The following NRG3 variants were observed in gnomAD, a reference collection of about 807,000 sequenced individuals.
The protein encoded by NRG3 is pro-neuregulin-3, membrane-bound isoform.
NRG3 carries 31 observed loss-of-function variants against 66.9 expected under a neutral mutation model. The ratio of observed to expected loss-of-function variants is 0.46; its 90% confidence interval spans 0.35 to 0.63. The LOEUF is 0.63. Among genes scored for constraint, NRG3 ranks in the 20% least tolerant of loss-of-function variants. The pLI is 0.00. For synonymous variants in NRG3, 393 were observed against 359.4 expected (o/e 1.09, Z -1.06); for missense variants, 910 against 878.9 (o/e 1.04, Z -0.45).
chr10:82,730,879 G>C (rs1479334913), intron 2 of NRG3, among the ~76,000 whole-genome samples: 1 of 152,128 alleles, frequency 6.6e-6, no homozygotes, highest in Non-Finnish European at 1.5e-5. Context: ...TCCTTAGCTA[G>C]AAACGTTTTT....
intron 2 of NRG3, among the ~76,000 whole-genome samples, chr10:82,415,376 G>A (rs73306166): frequency 0.041 from 6,239 of 152,152 alleles, 195 homozygotes; most frequent in African/African-American, 0.096. Flanking sequence ...GCAGCATTAC[G>A]ATGTAAGTGC....
At chr10:82,160,372 G>T (rs996816994) in intron 1 of NRG3, among the ~76,000 whole-genome samples, 9 of 151,898 alleles carry the variant, frequency 5.9e-5, no homozygotes, top group African/African-American at 1.9e-4. Flanking sequence ...ACAGCAAACA[G>T]ATTTTAAATT....
chr10:82,061,894 C>A (rs1159405052), intron 1 of NRG3, among the ~76,000 whole-genome samples: 4 of 151,742 alleles, frequency 2.6e-5, no homozygotes, highest in African/African-American at 7.3e-5. Flanking sequence ...CACACACATA[C>A]ATCTCTTAAA....
intron 4 of NRG3, among the ~76,000 whole-genome samples, chr10:82,874,596 G>C (rs926011449): frequency 6.6e-6 from 1 of 152,240 alleles, no homozygotes; most frequent in East Asian, 1.9e-4. Context: ...GTTAAACTAC[G>C]TGAGAAATCA....
At chr10:82,699,387 C>T (rs2055666245) in intron 2 of NRG3, among the ~76,000 whole-genome samples, 1 of 151,986 alleles carries the variant, frequency 6.6e-6, no homozygotes, top group Admixed American at 6.6e-5. Context: ...CTAGTTATAA[C>T]ACCTGAGGAT....
chr10:82,721,548 G>C (rs541861579), intron 2 of NRG3, among the ~76,000 whole-genome samples: 2 of 151,964 alleles, frequency 1.3e-5, no homozygotes, highest in Non-Finnish European at 2.9e-5. Context: ...TCAGCCTTTC[G>C]AGTAGCTAGG....
intron 3 of NRG3, among the ~76,000 whole-genome samples, chr10:82,774,817 T>TTTTC (rs1449178629): frequency 7.0e-6 from 1 of 143,120 alleles, no homozygotes; most frequent in Non-Finnish European, 1.5e-5. Flanking sequence ...CCTTTTTCTT[T>TTTTC]TTTCTTTTTT....
chr10:81,888,770 G>C (rs1334689393), intron 1 of NRG3, among the ~76,000 whole-genome samples: 3 of 152,170 alleles, frequency 2.0e-5, no homozygotes, highest in Non-Finnish European at 4.4e-5. Context: ...GACACAGCTT[G>C]ATTCTATGTT....
At chr10:82,155,884 A>G (rs952264674) in intron 1 of NRG3, among the ~76,000 whole-genome samples, 1 of 151,824 alleles carries the variant, frequency 6.6e-6, no homozygotes, top group Non-Finnish European at 1.5e-5. Flanking sequence ...CAAAGGTAGC[A>G]GAATCCTCTA....
intron 1 of NRG3, among the ~76,000 whole-genome samples, chr10:82,242,135 A>T (rs1164486825): frequency 6.6e-6 from 1 of 152,190 alleles, no homozygotes; most frequent in African/African-American, 2.4e-5. Flanking sequence ...CTTTCCTAAC[A>T]GTGGGATATG....
chr10:82,139,972 T>C (rs1381006064), intron 1 of NRG3, among the ~76,000 whole-genome samples: 3 of 152,164 alleles, frequency 2.0e-5, no homozygotes, highest in Admixed American at 1.3e-4. Context: ...TTTTGTGTTT[T>C]AATAAGGTTT....
intron 1 of NRG3, among the ~76,000 whole-genome samples, chr10:82,179,628 A>T (rs560754394): frequency 6.6e-6 from 1 of 151,822 alleles, no homozygotes; most frequent in East Asian, 1.9e-4. Context: ...CCAGTACCAT[A>T]TTTTTTTATT....
chr10:82,928,891 T>C (rs1265806715), intron 4 of NRG3, among the ~76,000 whole-genome samples: 4 of 152,176 alleles, frequency 2.6e-5, no homozygotes, highest in African/African-American at 9.6e-5. Flanking sequence ...CTGTGTTCCT[T>C]TGTTGCCTAT....
At chr10:81,908,231 A>T (rs532480571) in intron 1 of NRG3, among the ~76,000 whole-genome samples, 1 of 152,152 alleles carries the variant, frequency 6.6e-6, no homozygotes, top group South Asian at 2.1e-4. Context: ...ATTAGAAAAC[A>T]TCTTTCTTAA....
At chr10:82,136,897 A>G (rs2069403418) in intron 1 of NRG3, among the ~76,000 whole-genome samples, 2 of 152,198 alleles carry the variant, frequency 1.3e-5, no homozygotes, top group Non-Finnish European at 2.9e-5. Flanking sequence ...TTTCAAACAC[A>G]TAGATTCTTC....
At chr10:82,681,511 A>G (rs1259313767) in intron 2 of NRG3, among the ~76,000 whole-genome samples, 6 of 152,236 alleles carry the variant, frequency 3.9e-5, no homozygotes, top group Non-Finnish European at 8.8e-5. Flanking sequence ...AAAGCTGGTG[A>G]AATCTTCAGC....
At chr10:82,066,547 T>C (rs769012171) in intron 1 of NRG3, among the ~76,000 whole-genome samples, 1 of 152,194 alleles carries the variant, frequency 6.6e-6, no homozygotes. Flanking sequence ...CTGCAATATG[T>C]GCTTTCTGGA....
chr10:82,177,109 A>T (rs1175650427), intron 1 of NRG3, among the ~76,000 whole-genome samples: 2 of 152,078 alleles, frequency 1.3e-5, no homozygotes, highest in Admixed American at 1.3e-4. Context: ...AAGATACCTT[A>T]GTGCCTTGAA....
At chr10:82,488,222 A>T (rs990204917) in intron 2 of NRG3, among the ~76,000 whole-genome samples, 3 of 152,130 alleles carry the variant, frequency 2.0e-5, no homozygotes, top group African/African-American at 7.2e-5. Context: ...TCCAATTCTT[A>T]AGCACCTTAT....
Sources: allele counts gnomAD v4.1 joint callset (sites outside exome capture counted in the v4.1 genomes callset), GRCh38; gene constraint gnomAD v4.1.1; transcripts MANE v1.5; gene names NCBI Gene and HGNC (gene_info 2026-07-23, HGNC 2026-07-21).